EHBP1: variants seen among roughly 807,000 people sequenced by gnomAD.
The protein encoded by EHBP1 is EH domain-binding protein 1.
Under a neutral mutation model 144.0 loss-of-function variants are expected in EHBP1, and 55 were observed. That is an observed-to-expected ratio of 0.38 (90% confidence interval 0.31 to 0.48). The LOEUF is 0.48. EHBP1 is among the 20% of genes least tolerant of loss of function. The pLI is 0.98. For missense variants in EHBP1, 1,200 were observed against 1,364.2 expected (o/e 0.88, Z 1.90); for synonymous variants, 469 against 472.7 (o/e 0.99, Z 0.10).
intron 19 of EHBP1, 111 bp downstream of exon 19, chr2:62,996,877 C>G: frequency 6.8e-7 from 1 of 1,472,594 alleles, no homozygotes; most frequent in Non-Finnish European, 9.1e-7. Flanking sequence ...GCAAAACTGC[C>G]TTGAAAATAA....
chr2:62,859,203 A>G lies in EHBP1; in HGVS notation c.669A>G (p.Ala223=). 6.2e-7 allele frequency: 1 copy of G among 1,612,284 alleles called. No homozygotes were observed. The highest frequency in any genetic ancestry group is 8.5e-7 in the Non-Finnish European group (1 of 1,178,804). ...LINKLNFLDE[A]EKDLATVNSN... Reference sequence around the variant, plus strand: ...ACAAACTTAACTTTTTGGATGAAGCAGAAAAGGACTTGGCCACCGTGAATT... The same window carrying G: ...ACAAACTTAACTTTTTGGATGAAGCGGAAAAGGACTTGGCCACCGTGAATT... Residue 223 remains alanine, a synonymous_variant, in exon 8 of 23, where the codon GCA becomes GCG. Coordinates refer to ENST00000431489, the MANE Select transcript of EHBP1 (RefSeq NM_001142616.3).
intron 2 of EHBP1, among the ~76,000 whole-genome samples, chr2:62,735,472 A>G (rs1268223313): frequency 6.6e-6 from 1 of 152,158 alleles, no homozygotes; most frequent in African/African-American, 2.4e-5. Context: ...GCATATATGT[A>G]TATATACACA....
At chr2:62,855,905 C>A (rs977645335) in intron 7 of EHBP1, among the ~76,000 whole-genome samples, 1 of 152,156 alleles carries the variant, frequency 6.6e-6, no homozygotes, top group Non-Finnish European at 1.5e-5. Context: ...GCAAGCCACT[C>A]CACGGTCTCT....
chr2:62,702,124 G>C (rs187207028), upstream of EHBP1, among the ~76,000 whole-genome samples: 1 of 152,262 alleles, frequency 6.6e-6, no homozygotes, highest in East Asian at 1.9e-4. Flanking sequence ...TAAAAAAGCT[G>C]TTTCACTGAA....
intron 7 of EHBP1, among the ~76,000 whole-genome samples, chr2:62,841,236 A>C (rs991959748): frequency 1.3e-5 from 2 of 151,732 alleles, no homozygotes; most frequent in Non-Finnish European, 2.9e-5. Flanking sequence ...AAACTATCGC[A>C]AGATCAAAAA....
chr2:62,796,718 G>T (rs138561330), intron 5 of EHBP1, among the ~76,000 whole-genome samples: 1 of 151,956 alleles, frequency 6.6e-6, no homozygotes, highest in Non-Finnish European at 1.5e-5. Context: ...AATGGTACTG[G>T]ATTCTCTCAA....
At chr2:62,878,820 C>A (rs992341406) in intron 10 of EHBP1, among the ~76,000 whole-genome samples, 1 of 151,850 alleles carries the variant, frequency 6.6e-6, no homozygotes, top group East Asian at 1.9e-4. Flanking sequence ...ACAAGCCTGG[C>A]CAAAATGGAG....
At chr2:62,694,861 C>T (rs2034031259) in intron 1 of EHBP1, among the ~76,000 whole-genome samples, 2 of 152,114 alleles carry the variant, frequency 1.3e-5, no homozygotes, top group Admixed American at 1.3e-4. Context: ...GAGGAAAGAG[C>T]TTGTCTTTCC....
rs1450037119 is a variant in EHBP1, at chr2:62,943,045, C to G, written c.1364+149C>G. The G allele has an allele frequency of 9.4e-6, 6 of 637,206 alleles. No individual in the cohort carries two copies. In the South Asian group the frequency reaches 1.7e-4, roughly 18 times the overall value. The allele number at this position is 637,206 out of a possible 1,614,324, so 39.5% of individuals were successfully genotyped here. ...CTTTTGAGAGATATATGTCAGAAAG[C>G]TTTTCCTTTTTCATACCTAAAAACA... On this transcript the variant is annotated intron_variant, in intron 11 of 22. Transcript: ENST00000431489.
In EHBP1 at chr2:62,824,865, A is replaced by G. The variant is rs187908735; in HGVS notation, c.313-1222A>G. Among the ~76,000 whole-genome samples, 5 of 152,058 alleles carry G rather than the reference A, an allele frequency of 3.3e-5. No individual in the cohort carries two copies. The East Asian group carries it at 9.6e-4, about 29-fold the overall frequency. On this transcript the variant is annotated intron_variant, in intron 5 of 22. Transcript: ENST00000431489. ...TGTCCTTATTTTAGGCAAATTTTTC[A>G]AACATAGGAGAAATAAAGATTTATT...
intron 19 of EHBP1, among the ~76,000 whole-genome samples, chr2:62,998,660 C>G (rs2059734787): frequency 6.6e-6 from 1 of 152,136 alleles, no homozygotes; most frequent in Non-Finnish European, 1.5e-5. Context: ...TATCACTAGT[C>G]AAGCTTTGAA....
At chr2:62,892,602 A>G (rs2052554368) in intron 10 of EHBP1, among the ~76,000 whole-genome samples, 2 of 152,138 alleles carry the variant, frequency 1.3e-5, no homozygotes, top group Non-Finnish European at 2.9e-5. Flanking sequence ...TTTCTTTAAA[A>G]CTTGCTAATA....
intron 10 of EHBP1, among the ~76,000 whole-genome samples, chr2:62,917,578 A>G (rs545419489): frequency 1.3e-5 from 2 of 152,258 alleles, no homozygotes; most frequent in South Asian, 2.1e-4. Flanking sequence ...CCCAATGCTG[A>G]GTCCTTTTCT....
intron 9 of EHBP1, among the ~76,000 whole-genome samples, chr2:62,871,756 G>C (rs965024964): frequency 2.6e-5 from 4 of 152,122 alleles, no homozygotes; most frequent in African/African-American, 7.2e-5. Flanking sequence ...ACTACCTTTA[G>C]TGCCCCAGCA....
chr2:62,942,651 C>G (rs1317007104), intron 10 of EHBP1, 67 bp from the exon 11 acceptor site: 1 of 1,402,654 alleles, frequency 7.1e-7, no homozygotes, highest in Non-Finnish European at 9.7e-7. Flanking sequence ...CTGATTAGGT[C>G]AATTAATGTT....
At chr2:63,024,462 C>G (rs184943216) in intron 19 of EHBP1, among the ~76,000 whole-genome samples, 14 of 152,134 alleles carry the variant, frequency 9.2e-5, no homozygotes, top group African/African-American at 3.4e-4. Context: ...ATGAGCTCAG[C>G]ATGGTGGCAT....
intron 10 of EHBP1, among the ~76,000 whole-genome samples, chr2:62,932,914 T>C (rs904259732): frequency 7.0e-6 from 1 of 143,062 alleles, no homozygotes; most frequent in African/African-American, 2.6e-5. Flanking sequence ...GTCATGCCAC[T>C]GCACTCCAAC....
intron 19 of EHBP1, among the ~76,000 whole-genome samples, chr2:63,001,179 GT>G (rs2059833663): frequency 6.6e-6 from 1 of 152,168 alleles, no homozygotes; most frequent in Non-Finnish European, 1.5e-5. Flanking sequence ...AATGATTTGA[GT>G]TTTTTAAAAG....
At position 63,038,765 on chromosome 2, in the gene EHBP1, C is replaced by T. The variant is rs760062696; in HGVS notation, c.3226C>T (p.Arg1076Ter). 8 of 1,613,294 alleles carry T rather than the reference C, an allele frequency of 5.0e-6. No homozygotes were observed. The highest frequency in any genetic ancestry group is 5.9e-6 in the Non-Finnish European group (7 of 1,179,460). The change falls in exon 21 of 23, where the codon CGA becomes TGA. Residue 1076 changes from arginine (R) to a stop codon, truncating the protein, a stop_gained. Transcript: ENST00000431489. LOFTEE classifies it high-confidence loss of function. ...SLLEKEHDLE[R>*]RYELLNRELR... ...CAGGGAAAAAGAACATGATTTAGAACGACGGTATGAGCTGCTGAACCGGGA... is the reference window on the plus strand; with the variant it reads ...CAGGGAAAAAGAACATGATTTAGAATGACGGTATGAGCTGCTGAACCGGGA...
Sources: allele counts gnomAD v4.1 joint callset (sites outside exome capture counted in the v4.1 genomes callset), GRCh38; gene constraint gnomAD v4.1.1; transcripts MANE v1.5; gene names NCBI Gene and HGNC (gene_info 2026-07-23, HGNC 2026-07-21).